Variants in GCH1 observed in about 807,000 individuals in gnomAD.
The protein encoded by GCH1 is GTP cyclohydrolase I.
A neutral mutation model predicts 25.9 loss-of-function variants in GCH1; 5 were observed. That is an observed-to-expected ratio of 0.19 (90% CI 0.10 to 0.41). GCH1 has a LOEUF of 0.41. GCH1 is among the 10% of genes least tolerant of loss of function. The probability of loss-of-function intolerance (pLI) is 1.00; values close to 1 mark genes in which losing one functional copy is unlikely to be tolerated. For synonymous variants in GCH1, 159 were observed against 129.6 expected, an observed-to-expected ratio of 1.23 and a Z score of -1.54; for missense variants, 261 against 336.5, an observed-to-expected ratio of 0.78 and a Z score of 1.75.
Position 54,843,627 on chromosome 14 carries a change from G to A in GCH1, c.*390C>T. ...CACTACACCACTTTTATTGGAGGAA[G>A]AAAAAAAACAGTATACTGGGCACAG... On this transcript the variant is annotated 3_prime_UTR_variant, in exon 6 of 6. Coordinates refer to ENST00000491895, the MANE Select transcript of GCH1 (RefSeq NM_000161.3). 2 of 1,486,442 alleles carry A rather than the reference G, an allele frequency of 1.3e-6. No homozygotes were observed. Among genetic ancestry groups the A allele is most frequent in the Non-Finnish European group, 1.8e-6 (2 of 1,122,344 alleles). The allele number at this position is 1,486,442 out of a possible 1,614,324, so 92.1% of individuals were successfully genotyped here. A position where few individuals can be genotyped will look rare whatever the true frequency, so the allele number is the denominator to read the frequency against.
intron 3 of GCH1, among the ~76,000 whole-genome samples, chr14:54,850,656 G>A (rs868605707): frequency 2.2e-4 from 33 of 151,970 alleles, no homozygotes; most frequent in African/African-American, 7.5e-4. Context: ...GACAGGCCCC[G>A]GTGTGTGTTT....
At chr14:54,900,340 G>T (rs187132597) in intron 1 of GCH1, among the ~76,000 whole-genome samples, 91 of 151,996 alleles carry the variant, frequency 6.0e-4, no homozygotes, top group Admixed American at 1.8e-3. Flanking sequence ...CTCCCGAGTA[G>T]CTGGGACTAC....
intron 1 of GCH1, among the ~76,000 whole-genome samples, chr14:54,896,763 A>C (rs2040489779): frequency 6.6e-6 from 1 of 151,452 alleles, no homozygotes; most frequent in Admixed American, 6.6e-5. Context: ...AAATACAAAA[A>C]AAAAAAATTA....
chr14:54,855,817 A>G (rs2039802715), intron 3 of GCH1, among the ~76,000 whole-genome samples: 1 of 152,196 alleles, frequency 6.6e-6, no homozygotes, highest in Non-Finnish European at 1.5e-5. Context: ...CCATCTCAAA[A>G]AAACACCAAA....
Position 54,885,437 on chromosome 14 carries a change from G to A in GCH1, c.343+16884C>T, listed in dbSNP as rs180907391. 523 of 227,446 alleles carry A rather than the reference G, an allele frequency of 2.3e-3. 3 individuals carry two copies. Among genetic ancestry groups the A allele is most frequent in the African/African-American group, 0.011 (469 of 43,014 alleles). 14.1% of individuals were successfully genotyped at this position (227,446 alleles called of 1,614,324 possible). A position where few individuals can be genotyped will look rare whatever the true frequency, so the allele number is the denominator to read the frequency against. On this transcript the variant is annotated intron_variant, in intron 1 of 5. Transcript: ENST00000491895. ...TGCTTTTTCAGGTTCAGGTAATGGGGTTGCTCTCAGCAACAGAGCTTCAAC... is the reference window on the plus strand; with the variant it reads ...TGCTTTTTCAGGTTCAGGTAATGGGATTGCTCTCAGCAACAGAGCTTCAAC...
chr14:54,856,071 T>A (rs2039806979), intron 3 of GCH1, among the ~76,000 whole-genome samples: 1 of 152,162 alleles, frequency 6.6e-6, no homozygotes, highest in African/African-American at 2.4e-5. Flanking sequence ...CTCACCTCAC[T>A]TACTCTTACT....
At chr14:54,856,598 G>A (rs755448488) in intron 3 of GCH1, among the ~76,000 whole-genome samples, 5 of 152,118 alleles carry the variant, frequency 3.3e-5, no homozygotes, top group Admixed American at 1.3e-4. Context: ...GATTACAGGC[G>A]CATGCTACCA....
chr14:54,870,810 C>G (rs998529006), intron 1 of GCH1, among the ~76,000 whole-genome samples: 1 of 152,332 alleles, frequency 6.6e-6, no homozygotes, highest in East Asian at 1.9e-4. Flanking sequence ...GAGGGGCACC[C>G]GCCATTGCCG....
chr14:54,853,265 T>C (rs1413571434), intron 3 of GCH1, among the ~76,000 whole-genome samples: 4 of 152,180 alleles, frequency 2.6e-5, no homozygotes, highest in African/African-American at 9.7e-5. Flanking sequence ...TGCCTGGCCT[T>C]ATGGGGTCGT....
At chr14:54,851,027 A>G (rs1022653095) in intron 3 of GCH1, among the ~76,000 whole-genome samples, 1 of 152,236 alleles carries the variant, frequency 6.6e-6, no homozygotes, top group Non-Finnish European at 1.5e-5. Flanking sequence ...TGCTGGTACC[A>G]AAACAGAGAT....
chr14:54,842,048 A>G lies in GCH1; in HGVS notation c.*1969T>C, dbSNP rs1191138264. On this transcript the variant is annotated 3_prime_UTR_variant, in exon 6 of 6. Transcript: ENST00000491895. ...ACAATAGTTTAATAATTTAAATAGG[A>G]CCACCTTCAGGAACATACATACTCA... The G allele has an allele frequency of 6.6e-6, 1 of 152,204 alleles. No homozygotes were observed. The highest frequency in any genetic ancestry group is 1.5e-5 in the Non-Finnish European group (1 of 68,028). The allele number at this position is 152,204 out of a possible 1,614,324, so 9.4% of individuals were successfully genotyped here.
intron 1 of GCH1, among the ~76,000 whole-genome samples, chr14:54,881,744 T>C (rs1214311044): frequency 6.6e-6 from 1 of 152,178 alleles, no homozygotes; most frequent in Admixed American, 6.5e-5. Context: ...CCTAATGTAT[T>C]GCAAAAAAAG....
At chr14:54,889,518 G>C (rs1233716683) in intron 1 of GCH1, among the ~76,000 whole-genome samples, 1 of 152,142 alleles carries the variant, frequency 6.6e-6, no homozygotes, top group Non-Finnish European at 1.5e-5. Context: ...TCTTAGGACT[G>C]CACATCACAA....
At chr14:54,894,351 T>A (rs1198467778) in intron 1 of GCH1, among the ~76,000 whole-genome samples, 2 of 152,094 alleles carry the variant, frequency 1.3e-5, no homozygotes, top group African/African-American at 2.4e-5. Flanking sequence ...AGGAACACCA[T>A]CAACTGACGG....
intron 4 of GCH1, among the ~76,000 whole-genome samples, chr14:54,846,652 T>A (rs1038887891): frequency 2.6e-5 from 4 of 152,266 alleles, no homozygotes; most frequent in African/African-American, 7.2e-5. Flanking sequence ...ACAACAGTGA[T>A]TTCTTCTGGA....
At chr14:54,891,232 A>G (rs941917677) in intron 1 of GCH1, among the ~76,000 whole-genome samples, 1 of 151,972 alleles carries the variant, frequency 6.6e-6, no homozygotes, top group African/African-American at 2.4e-5. Context: ...CCTCCCTAGC[A>G]GCTGGGATTA....
chr14:54,842,934 AT>A lies in GCH1; in HGVS notation c.*1082del. The A allele has an allele frequency of 1.5e-6, 1 of 655,108 alleles. No homozygotes were observed. The highest frequency in any genetic ancestry group is 2.7e-5 in the East Asian group (1 of 37,328). 40.6% of individuals were successfully genotyped at this position (655,108 alleles called of 1,614,324 possible). ...AACCGGGACCAGAAGCTTCCAGTGC[AT>A]TTTCACAGATCGTTGGTACGATACG... On this transcript the variant is annotated 3_prime_UTR_variant, in exon 6 of 6. Coordinates refer to ENST00000491895, the MANE Select transcript of GCH1 (RefSeq NM_000161.3).
At chr14:54,875,231 C>T (rs751373519) in intron 1 of GCH1, among the ~76,000 whole-genome samples, 70 of 152,260 alleles carry the variant, frequency 4.6e-4, no homozygotes, top group Non-Finnish European at 6.9e-4. Context: ...GAAAGGAATC[C>T]CTGTTTAATA....
At position 54,880,696 on chromosome 14, in the gene GCH1, TATATATACTCC is replaced by T. The variant is rs1236252529; in HGVS notation, c.344-15271_344-15261del. Among the ~76,000 whole-genome samples, 9 of 39,728 alleles carry T rather than the reference TATATATACTCC, an allele frequency of 2.3e-4. 3 individuals are homozygous for T. The highest frequency in any genetic ancestry group is 1.3e-3 in the African/African-American group (7 of 5,568). The allele number at this position is 39,728 out of a possible 152,430, so 26.1% of individuals were successfully genotyped here. A position where few individuals can be genotyped will look rare whatever the true frequency, so the allele number is the denominator to read the frequency against. Reference sequence around the variant, plus strand: ...TATACTCCATATATATATACTCATATATATATACTCCATATATATATACTCATATATATATA... The same window carrying T: ...TATACTCCATATATATATACTCATATATATATATATACTCATATATATATA... On this transcript the variant is annotated intron_variant, in intron 1 of 5. Coordinates refer to ENST00000491895, the MANE Select transcript of GCH1 (RefSeq NM_000161.3).
Sources: gnomAD v4.1 joint callset for allele counts (sites outside exome capture counted in the v4.1 genomes callset) on GRCh38, gnomAD v4.1.1 for gene constraint, MANE v1.5 for transcripts, NCBI Gene and HGNC (gene_info 2026-07-23, HGNC 2026-07-21) for gene names.